MYH13: variants seen among roughly 807,000 people sequenced by gnomAD.
MYH13 encodes myosin-13.
MYH13 carries 177 observed loss-of-function variants against 232.1 expected under a neutral mutation model. The observed-to-expected ratio is 0.76, with a 90% CI of 0.67 to 0.86. The LOEUF (loss-of-function observed/expected upper bound fraction) is 0.86. MYH13 is among the 40% of genes least tolerant of loss of function. The probability of loss-of-function intolerance (pLI) is 0.00; values close to 1 mark genes in which losing one functional copy is unlikely to be tolerated. For synonymous variants in MYH13, 884 were observed against 923.5 expected (o/e 0.96, Z 0.78); for missense variants, 2,246 against 2,405.9 (o/e 0.93, Z 1.39).
intron 18 of MYH13, among the ~76,000 whole-genome samples, chr17:10,334,174 C>G (rs751225827): frequency 6.6e-6 from 1 of 152,018 alleles, no homozygotes; most frequent in Non-Finnish European, 1.5e-5. Context: ...ACAGGGGCTA[C>G]GGCAACCTGA....
chr17:10,323,250 T>C (rs1054503971), intron 23 of MYH13, among the ~76,000 whole-genome samples: 4 of 152,142 alleles, frequency 2.6e-5, no homozygotes, highest in African/African-American at 4.8e-5. Flanking sequence ...CAAATAACTT[T>C]CCCAAAGGCT....
At chr17:10,341,814 T>C (rs1015847554) in intron 16 of MYH13, among the ~76,000 whole-genome samples, 10 of 152,238 alleles carry the variant, frequency 6.6e-5, no homozygotes, top group African/African-American at 2.2e-4. Context: ...ATTTTCATCA[T>C]TGAAGTTTAC....
chr17:10,327,939 C>A lies in MYH13; in HGVS notation c.2618G>T (p.Arg873Leu). 1 of 1,613,788 alleles carries A rather than the reference C, an allele frequency of 6.2e-7. No homozygotes were observed. Among genetic ancestry groups the A allele is most frequent in the Non-Finnish European group, 8.5e-7 (1 of 1,179,908 alleles). ...CATTTTCTCCTCCAGCTCCTTCCGG[C>A]GAGCCTCAGATCGGGCCAGTTCTTC... ...TKEELARSEA[R>L]RKELEEKMVS... The change falls in exon 22 of 41, where the codon CGC (arginine) becomes CTC (leucine). Residue 873 changes from arginine (R) to leucine (L), a missense_variant. By Grantham distance (102) the Arg-to-Leu change is moderately radical (BLOSUM62 -2). Coordinates refer to ENST00000252172, the MANE Select transcript of MYH13 (RefSeq NM_003802.3).
In MYH13 at chr17:10,303,158, T is replaced by G. The variant is rs749369845; in HGVS notation, c.5667+38A>C. 4 of 1,582,020 alleles carry G rather than the reference T, an allele frequency of 2.5e-6. No individual in the cohort carries two copies. The Admixed American group carries it at 6.7e-5, about 26-fold the overall frequency. Reference sequence around the variant, plus strand: ...GACACCCAGGATGCCCCAGGGACTGTCTGTCTGTGGGCACTGCCGGGGACC... The same window carrying G: ...GACACCCAGGATGCCCCAGGGACTGGCTGTCTGTGGGCACTGCCGGGGACC... On this transcript the variant is annotated intron_variant, in intron 39 of 40. Coordinates refer to ENST00000252172, the MANE Select transcript of MYH13 (RefSeq NM_003802.3).
intron 3 of MYH13, among the ~76,000 whole-genome samples, chr17:10,363,024 T>G (rs1312511029): frequency 6.6e-6 from 1 of 152,174 alleles, no homozygotes; most frequent in African/African-American, 2.4e-5. Context: ...GCTCCCATAA[T>G]TATTTGTACC....
At chr17:10,332,300 TCTC>T in intron 19 of MYH13, 78 bp from the exon 20 acceptor site, 1 of 1,564,806 alleles carries the variant, frequency 6.4e-7, no homozygotes, top group Non-Finnish European at 8.8e-7. Flanking sequence ...TCTAGAATCT[TCTC>T]CTGCTCAAGC....
chr17:10,302,840 G>A (rs1463113947), intron 39 of MYH13, among the ~76,000 whole-genome samples: 2 of 152,044 alleles, frequency 1.3e-5, no homozygotes, highest in African/African-American at 4.8e-5. Flanking sequence ...GGTCATGGGA[G>A]CAGGAATGGC....
intron 18 of MYH13, among the ~76,000 whole-genome samples, chr17:10,334,994 T>C (rs2071562459): frequency 6.6e-6 from 1 of 152,300 alleles, no homozygotes; most frequent in South Asian, 2.1e-4. Context: ...ATGATGATTC[T>C]GAGTGGTTAA....
chr17:10,353,931 AGAAGGAAGGAAGGAAG>A lies in MYH13; in HGVS notation c.1005+733_1005+748del, dbSNP rs10587803. Among the ~76,000 whole-genome samples the A allele has an allele frequency of 2.7e-5, 4 of 146,166 alleles. No homozygotes were observed. In the East Asian group the frequency reaches 6.1e-4, roughly 22 times the overall value. ...AAGGAGAGAGAGAGGAAGGAAGGAA[AGAAGGAAGGAAGGAAG>A]GAAGGAAGGAAGGAAGGAAGGGAAA... On this transcript the variant is annotated intron_variant, in intron 11 of 40. Coordinates refer to ENST00000252172, the MANE Select transcript of MYH13 (RefSeq NM_003802.3).
rs375055659 is a variant in MYH13 at position 10,306,942 on chromosome 17, C to G, written c.5292G>C (p.Thr1764=). 3 of 1,613,506 alleles carry G rather than the reference C, an allele frequency of 1.9e-6. No homozygotes were observed. Among genetic ancestry groups the G allele is most frequent in the South Asian group, 2.2e-5 (2 of 91,054 alleles). ...GAAAAGGAAGAACAGAGCTCACATC[C>G]GTGATGGCCTTCTTGGCCTTCTCCT... ...NAEEKAKKAI[T]DAAMMAEELK... is the part of the protein sequence containing the mutation. The change falls in exon 36 of 41, where the codon ACG becomes ACC. Residue 1764 remains threonine (T), a synonymous_variant. Transcript: ENST00000252172. This position sits in a 1 kb window ranked among gnomAD's most constrained non-coding sequence, Gnocchi z 4.3.
chr17:10,303,322 GCAAACCTATGGT>G (rs1906166126), intron 38 of MYH13, 31 bp from the exon 39 acceptor site: 3 of 1,612,472 alleles, frequency 1.9e-6, no homozygotes. Flanking sequence ...GCAGGGGCCC[GCAAACCTATGGT>G]CACTTCTGAT....
Position 10,321,674 on chromosome 17 carries a change from T to C in MYH13, c.2969A>G (p.Glu990Gly). ...TTTGGTCAATTTGGAAATGTTTTCT[T>C]CAAGTGCTGTCATTTCTTCGGAAAG... ...KNLSEEMTALEENISKLTKEK... is the reference protein window; with the variant it reads ...KNLSEEMTALGENISKLTKEK... The change falls in exon 24 of 41, where the codon GAA becomes GGA. Residue 990 changes from glutamate to glycine, a missense_variant. Transcript: ENST00000252172. 6.2e-7 allele frequency: 1 copy of C among 1,613,528 alleles called. No homozygotes were observed.
chr17:10,312,808 G>A (rs1263411194), intron 30 of MYH13, 51 bp from the exon 31 acceptor site: 15 of 1,543,344 alleles, frequency 9.7e-6, no homozygotes, highest in African/African-American at 1.4e-5. Context: ...GAATATTTCA[G>A]TAGGTAACTG....
intron 23 of MYH13, among the ~76,000 whole-genome samples, chr17:10,322,271 A>G (rs776374986): frequency 4.0e-5 from 6 of 151,898 alleles, no homozygotes; most frequent in Admixed American, 2.6e-4. Flanking sequence ...GGTGGTGGGC[A>G]CCTGTAGTCC....
intron 29 of MYH13, among the ~76,000 whole-genome samples, chr17:10,314,288 G>A (rs1906625719): frequency 6.6e-6 from 1 of 152,028 alleles, no homozygotes; most frequent in Admixed American, 6.6e-5. Context: ...GGTGGCACAT[G>A]CACGTAATCC....
At chr17:10,318,705 T>G in intron 27 of MYH13, 85 bp downstream of exon 27, 1 of 1,548,008 alleles carries the variant, frequency 6.5e-7, no homozygotes, top group Non-Finnish European at 8.8e-7. Context: ...TGCAGTGGTT[T>G]GGAGGCATCA....
Position 10,309,382 on chromosome 17 carries a change from T to G in MYH13, c.5021A>C (p.Gln1674Pro). 1 of 1,612,066 alleles carries G rather than the reference T, an allele frequency of 6.2e-7. No homozygotes were observed. Among genetic ancestry groups the G allele is most frequent in the Non-Finnish European group, 8.5e-7 (1 of 1,179,070 alleles). ...ALRSNEDLKEQLAIVERRNGL... is the reference protein window; with the variant it reads ...ALRSNEDLKEPLAIVERRNGL... The stretch of plus-strand genomic sequence containing the variant: ...ATTCCTGCGCTCCACGATGGCCAGC[T>G]GCTCCTTGAGGTCCTCATTGCTCCT... The change falls in exon 35 of 41, where the codon CAG becomes CCG. Residue 1674 changes from glutamine (Q) to proline (P), a missense_variant. Gln to Pro is a moderately conservative substitution (Grantham distance 76). Transcript: ENST00000252172.
chr17:10,300,940 T>G lies in MYH13; in HGVS notation c.*11A>C. ...CGGAGGTGTCCCATGGCAACGAGCATCAGGTGAGCCTCATTCTTCCATCTT... is the reference window on the plus strand; with the variant it reads ...CGGAGGTGTCCCATGGCAACGAGCAGCAGGTGAGCCTCATTCTTCCATCTT... On this transcript the variant is annotated 3_prime_UTR_variant, in exon 41 of 41. Coordinates refer to ENST00000252172, the MANE Select transcript of MYH13 (RefSeq NM_003802.3). 6.2e-7 allele frequency: 1 copy of G among 1,612,740 alleles called. No individual in the cohort carries two copies. The highest frequency in any genetic ancestry group is 8.5e-7 in the Non-Finnish European group (1 of 1,179,174).
Position 10,320,249 on chromosome 17 carries a change from A to G in MYH13, c.3258-6T>C, listed in dbSNP as rs1447234089. 2 of 1,594,166 alleles carry G rather than the reference A, an allele frequency of 1.3e-6. No homozygotes were observed. Among genetic ancestry groups the G allele is most frequent in the Non-Finnish European group, 1.7e-6 (2 of 1,171,046 alleles). On this transcript the variant is annotated splice_region_variant and splice_polypyrimidine_tract_variant and intron_variant, in intron 25 of 40. Transcript: ENST00000252172. Reference sequence around the variant, plus strand: ...GACTGAGTTCAAACTCCTTCCTGCAAATAGATTAAAAAAAAATAAAGAACA... The same window carrying G: ...GACTGAGTTCAAACTCCTTCCTGCAGATAGATTAAAAAAAAATAAAGAACA...
Sources: gnomAD v4.1 joint callset for allele counts (sites outside exome capture counted in the v4.1 genomes callset) on GRCh38, gnomAD v4.1.1 for gene constraint, Gnocchi (gnomAD v3.1) non-coding constraint, MANE v1.5 for transcripts, NCBI Gene and HGNC (gene_info 2026-07-23, HGNC 2026-07-21) for gene names.